The following NPNT variants were observed in gnomAD, a reference collection of about 807,000 sequenced individuals.
NPNT encodes nephronectin.
Under a neutral mutation model 68.6 loss-of-function variants are expected in NPNT, and 45 were observed. That is an observed-to-expected ratio of 0.66 (90% CI 0.52 to 0.84). The LOEUF is 0.84. Ranked by LOEUF, NPNT falls within the 40% of genes least tolerant of loss-of-function variation. NPNT has a pLI of 0.00. For synonymous variants in NPNT, 233 were observed against 253.3 expected, an observed-to-expected ratio of 0.92 and a Z score of 0.76; for missense variants, 672 against 714.8, an observed-to-expected ratio of 0.94 and a Z score of 0.68.
chr4:105,966,906 G>C (rs1034447103), intron 10 of NPNT, among the ~76,000 whole-genome samples: 1 of 152,054 alleles, frequency 6.6e-6, no homozygotes, highest in African/African-American at 2.4e-5. Flanking sequence ...CTATATGTCT[G>C]ATCATATTCC....
intron 2 of NPNT, among the ~76,000 whole-genome samples, chr4:105,907,278 CA>C (rs1022033950): frequency 2.4e-4 from 36 of 152,100 alleles, no homozygotes; most frequent in African/African-American, 8.5e-4. Flanking sequence ...TCCTGATGCA[CA>C]TATACCCTAG....
At chr4:105,904,204 T>TA (rs1427677807) in intron 2 of NPNT, among the ~76,000 whole-genome samples, 2 of 152,230 alleles carry the variant, frequency 1.3e-5, no homozygotes, top group Admixed American at 1.3e-4. Flanking sequence ...CAAGCAATTC[T>TA]AAAAAAACTT....
chr4:105,917,879 T>C (rs558424289), intron 2 of NPNT, among the ~76,000 whole-genome samples: 96 of 152,304 alleles, frequency 6.3e-4, no homozygotes, highest in African/African-American at 2.2e-3. Flanking sequence ...AATATGGTAC[T>C]GAATGCCATG....
At chr4:105,898,328 GTCTCTCTCTCTCTC>G (rs66945682) in intron 2 of NPNT, among the ~76,000 whole-genome samples, 632 of 53,990 alleles carry the variant, frequency 0.012, 2 homozygotes, top group Non-Finnish European at 0.016. Context: ...CTCTCTCTCT[GTCTCTCTCTCTCTC>G]TCTCTCTCTC....
chr4:105,947,932 G>A lies in NPNT; in HGVS notation c.1159+5230G>A, dbSNP rs139616455. Among the ~76,000 whole-genome samples, 28 of 152,166 alleles carry A rather than the reference G, an allele frequency of 1.8e-4. No individual in the cohort carries two copies. In the East Asian group the frequency reaches 5.2e-3, roughly 28 times the overall value. ...ATGGGCAGCTATTTAATCTCCAGAT[G>A]TTTTTTCCTCAAATGGCCACATAGT... On this transcript the variant is annotated intron_variant, in intron 8 of 11. Transcript: ENST00000379987.
At chr4:105,957,582 A>G (rs80089854) in intron 8 of NPNT, among the ~76,000 whole-genome samples, 1,761 of 152,290 alleles carry the variant, frequency 0.012, 39 homozygotes, top group African/African-American at 0.04. Context: ...AGCCCTGGAA[A>G]TGCCACCCAA....
At chr4:105,956,048 G>A (rs921797851) in intron 8 of NPNT, among the ~76,000 whole-genome samples, 1 of 151,914 alleles carries the variant, frequency 6.6e-6, no homozygotes, top group Non-Finnish European at 1.5e-5. Flanking sequence ...ATGGTTCTTA[G>A]AAACCAAGAA....
intron 8 of NPNT, among the ~76,000 whole-genome samples, chr4:105,955,407 G>T (rs866319268): frequency 6.6e-6 from 1 of 152,036 alleles, no homozygotes; most frequent in Admixed American, 6.6e-5. Flanking sequence ...ATAGCCTTGC[G>T]TTCAACAAGT....
chr4:105,896,738 G>C (rs987783985), intron 1 of NPNT, among the ~76,000 whole-genome samples: 1 of 152,108 alleles, frequency 6.6e-6, no homozygotes, highest in Non-Finnish European at 1.5e-5. Flanking sequence ...ACCCGGAGGC[G>C]AACGGAGGGG....
intron 1 of NPNT, 56 bp from the exon 2 acceptor site, chr4:105,897,845 A>C (rs1328066655): frequency 3.5e-5 from 48 of 1,389,482 alleles, no homozygotes; most frequent in Non-Finnish European, 4.7e-5. Context: ...ATACAGAGGA[A>C]ATTACCTTTC....
intron 10 of NPNT, among the ~76,000 whole-genome samples, chr4:105,962,382 G>A (rs1446030600): frequency 6.6e-6 from 1 of 152,124 alleles, no homozygotes; most frequent in African/African-American, 2.4e-5. Context: ...GGTTAGAGTT[G>A]TTCTCTGTGA....
intron 8 of NPNT, 33 bp downstream of exon 8, chr4:105,942,735 A>C (rs754210009): frequency 1.9e-6 from 3 of 1,555,918 alleles, no homozygotes; most frequent in Non-Finnish European, 2.6e-6. Context: ...CATTTTCAAT[A>C]GGCTCTTTAT....
chr4:105,951,135 ACT>A (rs1486819025), intron 8 of NPNT, among the ~76,000 whole-genome samples: 2 of 152,212 alleles, frequency 1.3e-5, no homozygotes, highest in African/African-American at 4.8e-5. Context: ...TGGAGTCAGA[ACT>A]AGCCAAATGT....
chr4:105,930,146 C>T (rs1442805297), intron 3 of NPNT, among the ~76,000 whole-genome samples: 1 of 152,168 alleles, frequency 6.6e-6, no homozygotes, highest in African/African-American at 2.4e-5. Flanking sequence ...CACAAAAAAG[C>T]AGTGTGGCAG....
At chr4:105,938,499 A>T in intron 5 of NPNT, 79 bp downstream of exon 5, 1 of 1,413,278 alleles carries the variant, frequency 7.1e-7, no homozygotes, top group Non-Finnish European at 9.6e-7. Context: ...GGGAATAAGG[A>T]AAAAAAAGGC....
At chr4:105,937,968 T>C (rs1729625359) in intron 4 of NPNT, among the ~76,000 whole-genome samples, 1 of 152,200 alleles carries the variant, frequency 6.6e-6, no homozygotes, top group African/African-American at 2.4e-5. Context: ...GCTGTTCCCC[T>C]AGAGAAATTT....
intron 2 of NPNT, among the ~76,000 whole-genome samples, chr4:105,902,991 GA>G (rs1287819335): frequency 6.6e-6 from 1 of 152,034 alleles, no homozygotes; most frequent in Admixed American, 6.6e-5. Context: ...TCTTAAGCTA[GA>G]AGGCCAGGCC....
intron 1 of NPNT, chr4:105,896,075 A>C: frequency 2.2e-5 from 6 of 268,086 alleles, no homozygotes; most frequent in Middle Eastern, 1.2e-3. Flanking sequence ...AACATCCCTT[A>C]CCCGGGAAAC....
At chr4:105,901,236 A>G (rs984035817) in intron 2 of NPNT, among the ~76,000 whole-genome samples, 3 of 152,228 alleles carry the variant, frequency 2.0e-5, no homozygotes, top group Non-Finnish European at 4.4e-5. Flanking sequence ...AACCAAAAGC[A>G]CTAGATAATT....
Sources: allele counts gnomAD v4.1 joint callset (sites outside exome capture counted in the v4.1 genomes callset), GRCh38; gene constraint gnomAD v4.1.1; transcripts MANE v1.5; gene names NCBI Gene and HGNC (gene_info 2026-07-23, HGNC 2026-07-21).